The following ZFHX4 variants were observed in gnomAD, a reference collection of about 807,000 sequenced individuals.
The protein encoded by ZFHX4 is zinc finger homeobox 4, also known as zinc finger homeobox protein 4.
ZFHX4 carries 56 observed loss-of-function variants against 267.6 expected under a neutral mutation model. That is an observed-to-expected ratio of 0.21 (90% CI 0.17 to 0.26). The LOEUF is 0.26. ZFHX4 is among the 10% of genes least tolerant of loss of function. ZFHX4 has a pLI of 1.00. For synonymous variants in ZFHX4, 1,778 were observed against 1,665.6 expected (o/e 1.07, Z -1.64); for missense variants, 4,332 against 4,420.0 (o/e 0.98, Z 0.56).
Position 76,863,510 on chromosome 8 carries a change from T to A in ZFHX4, c.9796T>A (p.Phe3266Ile). The A allele has an allele frequency of 6.2e-7, 1 of 1,613,600 alleles. No individual in the cohort carries two copies. The highest frequency in any genetic ancestry group is 8.5e-7 in the Non-Finnish European group (1 of 1,179,728). The part of the protein sequence containing the change: ...SFIGGQFLPY[F>I]IPGFASYFTP... ...TATAGGCGGACAGTTCTTGCCATAC[T>A]TTATCCCTGGGTTTGCTTCTTATTT... Residue 3266 changes from phenylalanine (F) to isoleucine (I), a missense_variant, in exon 11 of 11, where the codon TTT becomes ATT. Physicochemically the swap from Phe to Ile is conservative, Grantham distance 21. Around this residue, in one of 7 missense-constraint regions of ZFHX4, gnomAD observed 1,648 missense variants for 1,625.0 expected, o/e 1.01. Coordinates refer to ENST00000651372, the MANE Select transcript of ZFHX4 (RefSeq NM_024721.5).
At chr8:76,822,424 C>A (rs2131867462) in intron 4 of ZFHX4, among the ~76,000 whole-genome samples, 1 of 150,098 alleles carries the variant, frequency 6.7e-6, no homozygotes, top group East Asian at 2.0e-4. Context: ...ACTATTTTAC[C>A]AATCACTATC....
At position 76,864,301 on chromosome 8, in the gene ZFHX4, C is replaced by G; in HGVS notation, c.10587C>G (p.Ile3529Met). 2 of 1,613,894 alleles carry G rather than the reference C, an allele frequency of 1.2e-6. No homozygotes were observed. The highest frequency in any genetic ancestry group is 2.2e-5 in the South Asian group (2 of 91,086). The part of the protein sequence containing the change: ...SCFSMKSWPN[I>M]LFQASARRAA... ...TCTCCATGAAGTCCTGGCCTAATAT[C>G]CTTTTCCAAGCGTCTGCCAGGAGAG... The change falls in exon 11 of 11, where the codon ATC becomes ATG. Residue 3529 changes from isoleucine to methionine, a missense_variant. Coordinates refer to ENST00000651372, the MANE Select transcript of ZFHX4 (RefSeq NM_024721.5).
At position 76,835,172 on chromosome 8, in the gene ZFHX4, G is replaced by A. The variant is rs1028186691; in HGVS notation, c.3394+1766G>A. On this transcript the variant is annotated intron_variant, in intron 5 of 10. Coordinates refer to ENST00000651372, the MANE Select transcript of ZFHX4 (RefSeq NM_024721.5). ...TATTGAATTCATTGGATTTTGTATA[G>A]TTATGTCAACATATCCTCTAATCCT... 2.7e-4 allele frequency among the ~76,000 whole-genome samples: 33 copies of A among 122,942 alleles called. No individual in the cohort carries two copies. In the South Asian group the frequency reaches 7.8e-3, roughly 29 times the overall value. The allele number at this position is 122,942 out of a possible 152,430, so 80.7% of individuals were successfully genotyped here.
chr8:76,854,176 T>A lies in ZFHX4; in HGVS notation c.7255T>A (p.Ser2419Thr). 1 of 1,579,654 alleles carries A rather than the reference T, an allele frequency of 6.3e-7. No homozygotes were observed. The highest frequency in any genetic ancestry group is 1.1e-5 in the South Asian group (1 of 87,954). Residue 2419 changes from serine to threonine, a missense_variant, in exon 10 of 11, where the codon TCT becomes ACT. Transcript: ENST00000651372. ...AGAAAAGCCAAAGCAGAGTGACCCC[T>A]CTCCCCCTTCTCAAGGCACCAAACC... ...PAEKPKQSDPSPPSQGTKPAL... is the reference protein window; with the variant it reads ...PAEKPKQSDPTPPSQGTKPAL...
At chr8:76,715,977 A>C (rs1265865783) in intron 3 of ZFHX4, among the ~76,000 whole-genome samples, 1 of 152,130 alleles carries the variant, frequency 6.6e-6, no homozygotes, top group Non-Finnish European at 1.5e-5. Flanking sequence ...AGTGCAGAGA[A>C]AGGTTATGAT....
chr8:76,777,476 AAC>A (rs1217921802), intron 3 of ZFHX4, among the ~76,000 whole-genome samples: 4 of 152,184 alleles, frequency 2.6e-5, no homozygotes, highest in Non-Finnish European at 5.9e-5. Context: ...TAAGTTACTT[AAC>A]TTTTTAGTGT....
intron 1 of ZFHX4, among the ~76,000 whole-genome samples, chr8:76,698,803 CCTT>C (rs1301991083): frequency 6.6e-6 from 1 of 152,138 alleles, no homozygotes; most frequent in African/African-American, 2.4e-5. Context: ...TTGGTTACAT[CCTT>C]CTATTCAAAC....
intron 1 of ZFHX4, among the ~76,000 whole-genome samples, chr8:76,687,337 C>G (rs1563459772): frequency 6.6e-6 from 1 of 152,170 alleles, no homozygotes; most frequent in Non-Finnish European, 1.5e-5. Context: ...ACATGTTTCC[C>G]TTGTGTGAGA....
rs529292673 is a variant in ZFHX4, at chr8:76,682,097, C to T, written c.-47+477C>T. ...TGTCAGCTCCGCAACGGCGCGGGCA[C>T]TGCCAGGGGTCTCCGCTCGCCCCGC... On this transcript the variant is annotated intron_variant, in intron 1 of 10. Coordinates refer to ENST00000651372, the MANE Select transcript of ZFHX4 (RefSeq NM_024721.5). Among the ~76,000 whole-genome samples, 199 of 152,272 alleles carry T rather than the reference C, an allele frequency of 1.3e-3. 1 individual carries two copies. The highest frequency in any genetic ancestry group is 2.4e-3 in the Non-Finnish European group (161 of 68,034).
chr8:76,795,413 G>C (rs138954898), intron 4 of ZFHX4, among the ~76,000 whole-genome samples: 1 of 151,894 alleles, frequency 6.6e-6, no homozygotes, highest in Admixed American at 6.6e-5. Context: ...AGCTTGCACC[G>C]TAGGCACACA....
chr8:76,745,491 T>G (rs1266162682), intron 3 of ZFHX4, among the ~76,000 whole-genome samples: 1 of 152,134 alleles, frequency 6.6e-6, no homozygotes, highest in Non-Finnish European at 1.5e-5. Flanking sequence ...ACTTACTTGT[T>G]TTTTTCTTTT....
intron 5 of ZFHX4, chr8:76,834,519 A>G (rs931509782): frequency 2.5e-5 from 4 of 157,814 alleles, no homozygotes; most frequent in African/African-American, 4.8e-5. Context: ...GTAATCTTTC[A>G]TATGCCTATT....
intron 4 of ZFHX4, among the ~76,000 whole-genome samples, chr8:76,798,873 G>C (rs1347142918): frequency 1.3e-5 from 2 of 152,014 alleles, no homozygotes; most frequent in Non-Finnish European, 2.9e-5. Context: ...CATTGACTAA[G>C]ACGGTGTCAT....
In ZFHX4 at chr8:76,691,902, T is replaced by C. The variant is rs140657774; in HGVS notation, c.-47+10282T>C. On this transcript the variant is annotated intron_variant, in intron 1 of 10. Coordinates refer to ENST00000651372, the MANE Select transcript of ZFHX4 (RefSeq NM_024721.5). ...ATTTGGTAAAGCAAGTCTACACAGA[T>C]ATTTTGAGTAGAGTTTCCCCTCTCT... 4.8e-3 allele frequency among the ~76,000 whole-genome samples: 733 copies of C among 152,226 alleles called. 3 individuals are homozygous for C. The highest frequency in any genetic ancestry group is 0.017 in the African/African-American group (701 of 41,550).
chr8:76,815,231 T>A (rs1811473663), intron 4 of ZFHX4, among the ~76,000 whole-genome samples: 1 of 152,130 alleles, frequency 6.6e-6, no homozygotes, highest in African/African-American at 2.4e-5. Context: ...AGAAGGTTAA[T>A]AATGTGAAAG....
At position 76,851,510 on chromosome 8, in the gene ZFHX4, C is replaced by T. The variant is rs750213991; in HGVS notation, c.4589C>T (p.Thr1530Met). The T allele has an allele frequency of 5.1e-5, 83 of 1,613,714 alleles. No homozygotes were observed. Among genetic ancestry groups the T allele is most frequent in the Admixed American group, 2.7e-4 (16 of 59,994 alleles). The change falls in exon 10 of 11, where the codon ACG becomes ATG. Residue 1530 changes from threonine to methionine, a missense_variant. Thr to Met is a moderately conservative substitution (Grantham distance 81). Coordinates refer to ENST00000651372, the MANE Select transcript of ZFHX4 (RefSeq NM_024721.5). ...CCTTTTAGAAAAGGGCCCAATTTTA[C>T]GATGGAAAAATTCCTTGATCCATCT... is the stretch of plus-strand genomic sequence containing the variant. ...TLPFRKGPNF[T>M]MEKFLDPSRP... is the part of the protein sequence containing the mutation.
chr8:76,778,033 T>C (rs1810445029), intron 3 of ZFHX4, among the ~76,000 whole-genome samples, 175 bp from the exon 4 acceptor site: 1 of 152,152 alleles, frequency 6.6e-6, no homozygotes, highest in Non-Finnish European at 1.5e-5. Flanking sequence ...ATTTTAAATG[T>C]ATCTGCACGG....
In ZFHX4 at chr8:76,851,951, A is replaced by G; in HGVS notation, c.5030A>G (p.Asp1677Gly). Residue 1677 changes from aspartate to glycine, a missense_variant, in exon 10 of 11, where the codon GAT becomes GGT. Around this residue, in one of 7 missense-constraint regions of ZFHX4, gnomAD observed 1,371 missense variants for 1,423.1 expected, o/e 0.96. Coordinates refer to ENST00000651372, the MANE Select transcript of ZFHX4 (RefSeq NM_024721.5). ...AKELNKKQTP[D>G]LISAQPAHHP... ...GAATTAAATAAAAAGCAAACTCCTGATTTAATCTCTGCTCAACCTGCACAT... is the reference window on the plus strand; with the variant it reads ...GAATTAAATAAAAAGCAAACTCCTGGTTTAATCTCTGCTCAACCTGCACAT... 1 of 1,613,972 alleles carries G rather than the reference A, an allele frequency of 6.2e-7. No individual in the cohort carries two copies. The highest frequency in any genetic ancestry group is 1.6e-4 in the Middle Eastern group (1 of 6,062).
At chr8:76,724,948 C>T (rs1808814157) in intron 3 of ZFHX4, among the ~76,000 whole-genome samples, 1 of 151,916 alleles carries the variant, frequency 6.6e-6, no homozygotes, top group South Asian at 2.1e-4. Context: ...CACTTCATAG[C>T]AGCATATATT....
Sources: gnomAD v4.1 joint callset for allele counts (sites outside exome capture counted in the v4.1 genomes callset) on GRCh38, gnomAD v4.1.1 for gene constraint, gnomAD v4.1.1 regional missense constraint, MANE v1.5 for transcripts, NCBI Gene and HGNC (gene_info 2026-07-23, HGNC 2026-07-21) for gene names.